LUC7L: variants seen among roughly 807,000 people sequenced by gnomAD.
LUC7L encodes LUC7 like.
Under a neutral mutation model 51.1 loss-of-function variants are expected in LUC7L, and 29 were observed. The ratio of observed to expected loss-of-function variants is 0.57; its 90% CI spans 0.42 to 0.77. The LOEUF is 0.77. Ranked by LOEUF, LUC7L falls within the 30% of genes least tolerant of loss-of-function variation. The probability of loss-of-function intolerance (pLI) is 0.00; values close to 1 mark genes in which losing one functional copy is unlikely to be tolerated. For missense variants in LUC7L, 403 were observed against 511.9 expected (o/e 0.79, Z 2.05); for synonymous variants, 181 against 180.7 (o/e 1.00, Z -0.01).
intron 7 of LUC7L, among the ~76,000 whole-genome samples, chr16:191,542 C>T (rs1294177128): frequency 1.3e-5 from 2 of 152,142 alleles, no homozygotes; most frequent in Non-Finnish European, 1.5e-5. Context: ...CAATCAGAAT[C>T]TCCTGCTGGT....
intron 3 of LUC7L, among the ~76,000 whole-genome samples, chr16:215,954 A>G (rs1358512984): frequency 6.6e-6 from 1 of 151,732 alleles, no homozygotes; most frequent in South Asian, 2.1e-4. Flanking sequence ...TTTGGCCTCC[A>G]AAAGTGACAG....
At chr16:209,110 G>A (rs548570138) in intron 3 of LUC7L, 4 of 152,098 alleles carry the variant, frequency 2.6e-5, no homozygotes, top group East Asian at 3.9e-4. Context: ...CTTGAGCCTC[G>A]GAGGCAGAAG....
At chr16:215,259 G>C (rs552472498) in intron 3 of LUC7L, among the ~76,000 whole-genome samples, 12 of 152,060 alleles carry the variant, frequency 7.9e-5, no homozygotes, top group African/African-American at 2.7e-4. Flanking sequence ...AGAGTGAGGC[G>C]GGCAGATCAC....
chr16:208,245 G>A, intron 3 of LUC7L, 57 bp from the exon 4 acceptor site: 1 of 1,282,026 alleles, frequency 7.8e-7, no homozygotes, highest in Non-Finnish European at 1.1e-6. Context: ...TAAAGTCTTA[G>A]AACCCATTTG....
intron 7 of LUC7L, among the ~76,000 whole-genome samples, chr16:191,390 C>T (rs2049004915): frequency 6.6e-6 from 1 of 152,146 alleles, no homozygotes; most frequent in Admixed American, 6.6e-5. Context: ...TGCCCGTAAG[C>T]CATTAAGGTC....
intron 3 of LUC7L, among the ~76,000 whole-genome samples, chr16:212,612 C>T (rs1413763772): frequency 1.3e-5 from 2 of 152,038 alleles, no homozygotes; most frequent in African/African-American, 4.8e-5. Context: ...GAACTGGTCT[C>T]ATGTGGTATA....
At position 217,910 on chromosome 16, in the gene LUC7L, G is replaced by T. The variant is rs556864025; in HGVS notation, c.255+2739C>A. ...AAAAATTAGCTGGGCGTGGTGGCGG[G>T]TGCCTGTAATCACAGCTACTTGGGA... On this transcript the variant is annotated intron_variant, in intron 3 of 9. Coordinates refer to ENST00000293872, the MANE Select transcript of LUC7L (RefSeq NM_201412.3). 4.5e-4 allele frequency among the ~76,000 whole-genome samples: 68 copies of T among 151,358 alleles called. 1 individual carries two copies. Among genetic ancestry groups the T allele is most frequent in the Non-Finnish European group, 8.8e-4 (60 of 67,882 alleles).
intron 2 of LUC7L, among the ~76,000 whole-genome samples, chr16:226,305 G>A (rs2050132097): frequency 6.6e-6 from 1 of 152,286 alleles, no homozygotes; most frequent in Admixed American, 6.5e-5. Context: ...TAAAATGAGA[G>A]GATAGTTTTT....
chr16:190,373 A>G (rs899864066), intron 8 of LUC7L, among the ~76,000 whole-genome samples, 168 bp downstream of exon 8: 1 of 151,926 alleles, frequency 6.6e-6, no homozygotes, highest in Non-Finnish European at 1.5e-5. Context: ...CTTCCCTCTC[A>G]TTAACACTGG....
chr16:203,202 G>C (rs1277099260), intron 5 of LUC7L, among the ~76,000 whole-genome samples: 1 of 152,062 alleles, frequency 6.6e-6, no homozygotes, highest in East Asian at 1.9e-4. Flanking sequence ...CACACAAGAA[G>C]AAACAGATGA....
intron 2 of LUC7L, among the ~76,000 whole-genome samples, chr16:223,045 G>T (rs1172875210): frequency 6.6e-6 from 1 of 151,604 alleles, no homozygotes; most frequent in Non-Finnish European, 1.5e-5. Flanking sequence ...TGACTCTTGG[G>T]ATGCAGTCTC....
intron 2 of LUC7L, among the ~76,000 whole-genome samples, chr16:226,389 A>C (rs1047904004): frequency 6.6e-6 from 1 of 152,232 alleles, no homozygotes; most frequent in Non-Finnish European, 1.5e-5. Context: ...TCAGTGGCGT[A>C]ATCACCACAG....
chr16:221,983 T>C (rs1382785210), intron 2 of LUC7L, among the ~76,000 whole-genome samples: 1 of 152,184 alleles, frequency 6.6e-6, no homozygotes, highest in East Asian at 1.9e-4. Flanking sequence ...GAAATGACCC[T>C]GGACATCTAA....
intron 1 of LUC7L, 29 bp downstream of exon 1, chr16:229,250 C>T (rs2142133253): frequency 1.3e-6 from 2 of 1,529,906 alleles, no homozygotes; most frequent in Middle Eastern, 2.0e-4. Context: ...CCACCCCAGA[C>T]CCTCGCCTGG....
intron 3 of LUC7L, among the ~76,000 whole-genome samples, chr16:210,487 C>A (rs1220481027): frequency 6.6e-6 from 1 of 152,156 alleles, no homozygotes; most frequent in Non-Finnish European, 1.5e-5. Flanking sequence ...TGACAAGGGT[C>A]ACTGTGCCTT....
intron 7 of LUC7L, among the ~76,000 whole-genome samples, chr16:191,448 T>C (rs1211058557): frequency 1.3e-5 from 2 of 152,194 alleles, no homozygotes; most frequent in Admixed American, 6.5e-5. Context: ...AACATGACAG[T>C]GCATGTAAAA....
intron 8 of LUC7L, 66 bp downstream of exon 8, chr16:190,475 A>C (rs2048982680): frequency 1.3e-6 from 2 of 1,496,840 alleles, no homozygotes; most frequent in African/African-American, 1.4e-5. Context: ...CATAATCATT[A>C]AATATTAAGA....
chr16:210,067 C>G (rs1187802026), intron 3 of LUC7L, among the ~76,000 whole-genome samples: 2 of 152,170 alleles, frequency 1.3e-5, no homozygotes, highest in African/African-American at 4.8e-5. Context: ...GCGGGTGGAT[C>G]ACTTGAGGTC....
intron 5 of LUC7L, among the ~76,000 whole-genome samples, chr16:204,948 G>C (rs776159031): frequency 7.9e-5 from 12 of 152,136 alleles, no homozygotes; most frequent in Non-Finnish European, 1.6e-4. Flanking sequence ...GTACTGGAGA[G>C]GTGAACTGCT....
Sources: allele counts gnomAD v4.1 joint callset (sites outside exome capture counted in the v4.1 genomes callset), GRCh38; gene constraint gnomAD v4.1.1; transcripts MANE v1.5; gene names NCBI Gene and HGNC (gene_info 2026-07-23, HGNC 2026-07-21).